The following PWWP3A variants were observed in gnomAD, a reference collection of about 807,000 sequenced individuals.
PWWP3A encodes the protein PWWP domain containing 3A, DNA repair factor.
Under a neutral mutation model 79.0 loss-of-function variants are expected in PWWP3A, and 53 were observed. That is an observed-to-expected ratio of 0.67 (90% CI 0.54 to 0.84). The LOEUF (loss-of-function observed/expected upper bound fraction) is 0.84. Among genes scored for constraint, PWWP3A ranks in the 40% least tolerant of loss-of-function variants. The pLI is 0.00. For synonymous variants in PWWP3A, 443 were observed against 394.4 expected, an observed-to-expected ratio of 1.12 and a Z score of -1.46; for missense variants, 973 against 948.0, an observed-to-expected ratio of 1.03 and a Z score of -0.35.
At chr19:1,370,478 T>G (rs2082228270) in intron 11 of PWWP3A, among the ~76,000 whole-genome samples, 164 bp from the exon 12 acceptor site, 2 of 152,000 alleles carry the variant, frequency 1.3e-5, no homozygotes, top group Non-Finnish European at 2.9e-5. Flanking sequence ...GCAGAGGAAG[T>G]GTCTTTAGGA....
chr19:1,360,966 C>A lies in PWWP3A; in HGVS notation c.1045C>A (p.Pro349Thr). The A allele has an allele frequency of 6.8e-7, 1 of 1,465,766 alleles. No homozygotes were observed. Among genetic ancestry groups the A allele is most frequent in the South Asian group, 1.4e-5 (1 of 70,522 alleles). 90.8% of individuals were successfully genotyped at this position (1,465,766 alleles called of 1,614,324 possible). The change falls in exon 5 of 14, where the codon CCC (proline) becomes ACC (threonine). Residue 349 changes from proline (P) to threonine (T), a missense_variant. Pro to Thr is a conservative substitution (Grantham distance 38). Transcript: ENST00000591337. The surrounding 1 kb of genome is among the most constrained non-coding windows in gnomAD (Gnocchi z 4.4). ...PRSTARLGPP[P>T]SHASADATRC... ...CAGCACCGCCAGGCTGGGCCCGCCT[C>A]CCTCCCACGCCTCTGCGGATGCAAC...
At position 1,369,330 on chromosome 19, in the gene PWWP3A, G is replaced by T; in HGVS notation, c.1488G>T (p.Arg496Ser). ...GWCVSLITDY[R>S]VRLGCGSFAG... ...GTGTCTCCCTCATCACCGACTACAG[G>T]GTCCGGTTAGGTACGTGGGGTGCTG... The change falls in exon 10 of 14, where the codon AGG (arginine) becomes AGT (serine). Residue 496 changes from arginine (R) to serine (S), a missense_variant. Arg to Ser is a moderately radical substitution (Grantham distance 110, BLOSUM62 -1). Transcript: ENST00000591337. The surrounding 1 kb of genome is among the most constrained non-coding windows in gnomAD (Gnocchi z 4.0). 1 of 1,613,758 alleles carries T rather than the reference G, an allele frequency of 6.2e-7. No individual in the cohort carries two copies.
At position 1,369,322 on chromosome 19, in the gene PWWP3A, G is replaced by A. The variant is rs1242997627; in HGVS notation, c.1480G>A (p.Asp494Asn). The change falls in exon 10 of 14, where the codon GAC becomes AAC. Residue 494 changes from aspartate (D) to asparagine (N), a missense_variant. Asp to Asn is a conservative substitution (Grantham distance 23). Transcript: ENST00000591337. The surrounding 1 kb of genome is among the most constrained non-coding windows in gnomAD (Gnocchi z 4.0). Reference protein sequence around the residue: ...DIGWCVSLITDYRVRLGCGSF... With the variant: ...DIGWCVSLITNYRVRLGCGSF... ...CGGCTGGTGTGTCTCCCTCATCACC[G>A]ACTACAGGGTCCGGTTAGGTACGTG... The A allele has an allele frequency of 2.5e-6, 4 of 1,613,696 alleles. No homozygotes were observed. Among genetic ancestry groups the A allele is most frequent in the Non-Finnish European group, 3.4e-6 (4 of 1,180,008 alleles).
chr19:1,375,519 AT>A lies in PWWP3A; in HGVS notation c.2076-999del, dbSNP rs1487044226. On this transcript the variant is annotated intron_variant, in intron 13 of 13. Coordinates refer to ENST00000591337, the MANE Select transcript of PWWP3A (RefSeq NM_001369789.1). ...ATAAATTTTATATATAATATATAAA[AT>A]CATATAATTTATATATTTTATATAT... Among the ~76,000 whole-genome samples the A allele has an allele frequency of 1.1e-4, 13 of 113,064 alleles. No homozygotes were observed. The East Asian group carries it at 2.3e-3, about 20-fold the overall frequency. 74.2% of individuals were successfully genotyped at this position (113,064 alleles called of 152,430 possible).
intron 6 of PWWP3A, chr19:1,364,073 T>G (rs2093187790): frequency 4.1e-6 from 2 of 483,638 alleles, no homozygotes; most frequent in Admixed American, 4.4e-5. Context: ...AGAATCCTCT[T>G]TAGAATCTCA....
chr19:1,375,668 A>T (rs1014767938), intron 13 of PWWP3A, among the ~76,000 whole-genome samples: 1 of 141,192 alleles, frequency 7.1e-6, no homozygotes, highest in African/African-American at 2.6e-5. Flanking sequence ...ATTATATATA[A>T]AATGTACAAT....
chr19:1,369,342 T>TA lies in PWWP3A; in HGVS notation c.1498+3dup. ...TCACCGACTACAGGGTCCGGTTAGGTACGTGGGGTGCTGGGGAGGGGTGGA... is the reference window on the plus strand; with the variant it reads ...TCACCGACTACAGGGTCCGGTTAGGTAACGTGGGGTGCTGGGGAGGGGTGGA... On this transcript the variant is annotated splice_region_variant and intron_variant, in intron 10 of 13. Coordinates refer to ENST00000591337, the MANE Select transcript of PWWP3A (RefSeq NM_001369789.1). The surrounding 1 kb of genome is among the most constrained non-coding windows in gnomAD (Gnocchi z 4.0). The TA allele has an allele frequency of 6.2e-7, 1 of 1,613,252 alleles. No individual in the cohort carries two copies. Among genetic ancestry groups the TA allele is most frequent in the South Asian group, 1.1e-5 (1 of 91,038 alleles).
chr19:1,360,586 C>T lies in PWWP3A; in HGVS notation c.665C>T (p.Ala222Val), dbSNP rs199763092. 9 of 1,614,172 alleles carry T rather than the reference C, an allele frequency of 5.6e-6. No homozygotes were observed. The highest frequency in any genetic ancestry group is 3.3e-5 in the South Asian group (3 of 91,074). The change falls in exon 5 of 14, where the codon GCG (alanine) becomes GTG (valine). Residue 222 changes from alanine to valine, a missense_variant. Physicochemically the swap from Ala to Val is moderately conservative, Grantham distance 64. Transcript: ENST00000591337. The surrounding 1 kb of genome is among the most constrained non-coding windows in gnomAD (Gnocchi z 4.4). ...GCAAGTAAGAGGGGAGGAAACTCAGCGCAGAAGGCTAGCTTGTGCCTGAAT... is the reference window on the plus strand; with the variant it reads ...GCAAGTAAGAGGGGAGGAAACTCAGTGCAGAAGGCTAGCTTGTGCCTGAAT... ...TLASKRGGNS[A>V]QKASLCLNGS...
In PWWP3A at chr19:1,369,418, G is replaced by A. The variant is rs1013875502; in HGVS notation, c.1498+78G>A. 1.7e-5 allele frequency: 26 copies of A among 1,535,518 alleles called. No homozygotes were observed. Among genetic ancestry groups the A allele is most frequent in the Admixed American group, 1.4e-4 (8 of 59,228 alleles). On this transcript the variant is annotated intron_variant, in intron 10 of 13. Coordinates refer to ENST00000591337, the MANE Select transcript of PWWP3A (RefSeq NM_001369789.1). The surrounding 1 kb of genome is among the most constrained non-coding windows in gnomAD (Gnocchi z 4.0). ...GAAGACCCCTTGGACGGGCTGGGCCGGAGCTGCCTGGAGGCGGGGCATATT... is the reference window on the plus strand; with the variant it reads ...GAAGACCCCTTGGACGGGCTGGGCCAGAGCTGCCTGGAGGCGGGGCATATT...
Position 1,361,008 on chromosome 19 carries a change from C to T in PWWP3A, c.1087C>T (p.Pro363Ser). The change falls in exon 5 of 14, where the codon CCG (proline) becomes TCG (serine). Residue 363 changes from proline to serine, a missense_variant. Transcript: ENST00000591337. ...SADATRCLPC[P>S]DSQKLEKECQ... ...GGATGCAACCAGATGTCTTCCTTGC[C>T]CGGATTCCCAGAAGCTGGAGAAAGG... The T allele has an allele frequency of 7.0e-7, 1 of 1,431,718 alleles. No homozygotes were observed. Among genetic ancestry groups the T allele is most frequent in the African/African-American group, 1.5e-5 (1 of 67,858 alleles). The allele number at this position is 1,431,718 out of a possible 1,614,324, so 88.7% of individuals were successfully genotyped here.
chr19:1,365,696 C>G (rs527271356), intron 7 of PWWP3A, among the ~76,000 whole-genome samples: 2 of 152,356 alleles, frequency 1.3e-5, no homozygotes, highest in Non-Finnish European at 2.9e-5. Context: ...GTAGTCTTTC[C>G]CTTGTTTTCA....
chr19:1,369,094 T>C lies in PWWP3A; in HGVS notation c.1423-171T>C. On this transcript the variant is annotated intron_variant, in intron 9 of 13. Coordinates refer to ENST00000591337, the MANE Select transcript of PWWP3A (RefSeq NM_001369789.1). This position sits in a 1 kb window ranked among gnomAD's most constrained non-coding sequence, Gnocchi z 4.0. ...GGTGCGTTTCCCATTTACCAGAGGG[T>C]CCCTGTGCGAGGCGTCTGCCAGAGC... 1 of 613,480 alleles carries C rather than the reference T, an allele frequency of 1.6e-6. No individual in the cohort carries two copies. 38.0% of individuals were successfully genotyped at this position (613,480 alleles called of 1,614,324 possible).
intron 12 of PWWP3A, chr19:1,371,440 G>T: frequency 2.9e-6 from 2 of 701,576 alleles, no homozygotes; most frequent in Non-Finnish European, 5.2e-6. Flanking sequence ...AGTCAGAATC[G>T]CATTTAGTAC....
At chr19:1,372,238 G>C (rs1212968594) in intron 12 of PWWP3A, 1 of 152,362 alleles carries the variant, frequency 6.6e-6, no homozygotes, top group African/African-American at 2.4e-5. Context: ...GGCATGGAGT[G>C]GGTTGGGGCA....
chr19:1,358,252 C>G (rs2081928540), intron 3 of PWWP3A, 142 bp from the exon 4 acceptor site: 5 of 698,530 alleles, frequency 7.2e-6, no homozygotes, highest in East Asian at 5.5e-5. Flanking sequence ...AGATGAATTC[C>G]TAGTTGGCTG....
chr19:1,364,452 T>G, intron 6 of PWWP3A, 57 bp from the exon 7 acceptor site: 1 of 1,331,912 alleles, frequency 7.5e-7, no homozygotes, highest in Non-Finnish European at 1.1e-6. Context: ...TGGTGCTTGA[T>G]ATGGATTTGA....
chr19:1,363,492 G>A (rs1040546808), intron 6 of PWWP3A, among the ~76,000 whole-genome samples: 9 of 152,196 alleles, frequency 5.9e-5, no homozygotes, highest in Admixed American at 2.6e-4. Flanking sequence ...TCGCACACAC[G>A]AAGAGCACAG....
Position 1,371,063 on chromosome 19 carries a change from C to G in PWWP3A, c.1971C>G (p.Asp657Glu). The G allele has an allele frequency of 6.4e-7, 1 of 1,565,058 alleles. No individual in the cohort carries two copies. The highest frequency in any genetic ancestry group is 8.7e-7 in the Non-Finnish European group (1 of 1,154,456). The change falls in exon 12 of 14, where the codon GAC (aspartate) becomes GAG (glutamate). Residue 657 changes from aspartate to glutamate, a missense_variant. Coordinates refer to ENST00000591337, the MANE Select transcript of PWWP3A (RefSeq NM_001369789.1). ...GCGACCGGATCCGGTTCATTCTGGA[C>G]GTGCTTCTGCCCGAGGTGAGCCGCG... ...TNGDRIRFIL[D>E]VLLPEAIICA...
intron 7 of PWWP3A, 114 bp from the exon 8 acceptor site, chr19:1,366,191 C>A (rs1555771078): frequency 4.0e-5 from 7 of 173,310 alleles, no homozygotes; most frequent in African/African-American, 8.5e-5. Context: ...GCTGGGGTCA[C>A]CCCCAGAGCT....
Sources: allele counts gnomAD v4.1 joint callset (sites outside exome capture counted in the v4.1 genomes callset), GRCh38; gene constraint gnomAD v4.1.1; non-coding constraint Gnocchi (gnomAD v3.1); transcripts MANE v1.5; gene names NCBI Gene and HGNC (gene_info 2026-07-23, HGNC 2026-07-21).